MDGA2: variants seen among roughly 807,000 people sequenced by gnomAD.
MDGA2 encodes MAM domain-containing glycosylphosphatidylinositol anchor protein 2.
MDGA2 carries 40 observed loss-of-function variants against 117.8 expected under a neutral mutation model. The observed-to-expected ratio is 0.34, with a 90% CI of 0.26 to 0.44. The LOEUF is 0.44. Among genes scored for constraint, MDGA2 ranks in the 20% least tolerant of loss-of-function variants. MDGA2 has a pLI of 1.00. For missense variants in MDGA2, 1,123 were observed against 1,250.6 expected (o/e 0.90, Z 1.54); for synonymous variants, 452 against 439.0 (o/e 1.03, Z -0.37).
chr14:46,934,196 T>C (rs1030251986), intron 9 of MDGA2, among the ~76,000 whole-genome samples: 2 of 151,998 alleles, frequency 1.3e-5, no homozygotes, highest in African/African-American at 4.8e-5. Context: ...TTGTCTATTA[T>C]AGAGATTTCC....
At chr14:47,440,431 T>A (rs1892984004) in intron 1 of MDGA2, among the ~76,000 whole-genome samples, 1 of 152,130 alleles carries the variant, frequency 6.6e-6, no homozygotes, top group African/African-American at 2.4e-5. Context: ...TTCTAGTACA[T>A]CACTGTCTCA....
chr14:47,033,591 G>C (rs1484087062), intron 8 of MDGA2, among the ~76,000 whole-genome samples: 2 of 152,198 alleles, frequency 1.3e-5, no homozygotes, highest in East Asian at 3.9e-4. Context: ...CCCATGAACA[G>C]ACTGTCATGA....
intron 3 of MDGA2, among the ~76,000 whole-genome samples, chr14:47,212,474 A>T (rs1885920284): frequency 6.6e-6 from 1 of 152,188 alleles, no homozygotes; most frequent in African/African-American, 2.4e-5. Context: ...AAATAATGAT[A>T]CATCAAACAA....
chr14:47,156,479 C>A (rs988803483), intron 3 of MDGA2, among the ~76,000 whole-genome samples: 1 of 152,162 alleles, frequency 6.6e-6, no homozygotes, highest in African/African-American at 2.4e-5. Flanking sequence ...AGCTAACTCA[C>A]CTCCCAACAT....
At chr14:47,016,802 ACT>A (rs1189348208) in intron 8 of MDGA2, among the ~76,000 whole-genome samples, 1 of 151,948 alleles carries the variant, frequency 6.6e-6, no homozygotes, top group Non-Finnish European at 1.5e-5. Flanking sequence ...AATAGTCTAA[ACT>A]CTGTTTTCTT....
intron 1 of MDGA2, among the ~76,000 whole-genome samples, chr14:47,649,558 G>A (rs1232138956): frequency 6.6e-6 from 1 of 152,076 alleles, no homozygotes; most frequent in African/African-American, 2.4e-5. Context: ...GGAGACACGT[G>A]CCTGTAATTC....
At chr14:47,259,616 T>A (rs1566707421) in intron 2 of MDGA2, among the ~76,000 whole-genome samples, 1 of 152,054 alleles carries the variant, frequency 6.6e-6, no homozygotes, top group Non-Finnish European at 1.5e-5. Context: ...CAACCCACAG[T>A]ACTAGTATTC....
intron 10 of MDGA2, among the ~76,000 whole-genome samples, chr14:46,917,268 T>G (rs888482959): frequency 1.3e-5 from 2 of 152,194 alleles, no homozygotes; most frequent in East Asian, 1.9e-4. Context: ...ATAAAAATAC[T>G]ACACATGCTC....
At chr14:47,311,768 C>T (rs969926652) in intron 1 of MDGA2, among the ~76,000 whole-genome samples, 2 of 151,928 alleles carry the variant, frequency 1.3e-5, no homozygotes, top group African/African-American at 4.8e-5. Flanking sequence ...AATTAATATC[C>T]CCAGTGAAGG....
chr14:47,210,291 G>A (rs1885835130), intron 3 of MDGA2, among the ~76,000 whole-genome samples: 1 of 152,114 alleles, frequency 6.6e-6, no homozygotes, highest in African/African-American at 2.4e-5. Flanking sequence ...ATGTTTAATG[G>A]ATATTGGAAA....
At chr14:47,362,047 C>T (rs1053934479) in intron 1 of MDGA2, among the ~76,000 whole-genome samples, 1 of 152,134 alleles carries the variant, frequency 6.6e-6, no homozygotes, top group African/African-American at 2.4e-5. Context: ...AGACAGCATA[C>T]ATCTATTTGC....
chr14:47,558,956 G>C (rs1330038217), intron 1 of MDGA2, among the ~76,000 whole-genome samples: 3 of 151,812 alleles, frequency 2.0e-5, no homozygotes, highest in Non-Finnish European at 4.4e-5. Flanking sequence ...ATATACATAC[G>C]ATACACATAT....
intron 2 of MDGA2, among the ~76,000 whole-genome samples, chr14:47,220,177 G>C (rs975488365): frequency 2.0e-5 from 3 of 152,046 alleles, no homozygotes; most frequent in Admixed American, 2.0e-4. Context: ...GTGGTAGAAA[G>C]ACATAAATTT....
chr14:47,606,799 T>A (rs1315528582), intron 1 of MDGA2, among the ~76,000 whole-genome samples: 3 of 152,178 alleles, frequency 2.0e-5, no homozygotes, highest in Non-Finnish European at 4.4e-5. Flanking sequence ...AAAACTGAAA[T>A]GCCTCGCTCC....
intron 9 of MDGA2, among the ~76,000 whole-genome samples, chr14:46,943,794 T>C (rs1885077606): frequency 6.6e-6 from 1 of 152,128 alleles, no homozygotes; most frequent in Admixed American, 6.6e-5. Context: ...CAGACTTATT[T>C]GTAAAGGGTG....
intron 1 of MDGA2, among the ~76,000 whole-genome samples, chr14:47,452,663 A>G (rs1893265505): frequency 6.6e-6 from 1 of 152,072 alleles, no homozygotes; most frequent in African/African-American, 2.4e-5. Context: ...TCCTTTAAAA[A>G]CAGAACTGTT....
intron 3 of MDGA2, among the ~76,000 whole-genome samples, chr14:47,166,717 T>C (rs1181342940): frequency 1.3e-5 from 2 of 151,908 alleles, no homozygotes; most frequent in African/African-American, 4.8e-5. Context: ...ATTATCGAAA[T>C]GAAAAACAAA....
intron 8 of MDGA2, among the ~76,000 whole-genome samples, chr14:46,990,398 C>T (rs1006064688): frequency 6.6e-6 from 1 of 151,928 alleles, no homozygotes; most frequent in Non-Finnish European, 1.5e-5. Context: ...CTAAAATCTT[C>T]ATAGTAAAAT....
chr14:46,977,309 T>C (rs921522395), intron 8 of MDGA2, among the ~76,000 whole-genome samples: 4 of 151,734 alleles, frequency 2.6e-5, no homozygotes, highest in Non-Finnish European at 5.9e-5. Context: ...ATGATATGAA[T>C]GGGAGGGGTT....
Sources: allele counts gnomAD v4.1 joint callset (sites outside exome capture counted in the v4.1 genomes callset), GRCh38; gene constraint gnomAD v4.1.1; transcripts MANE v1.5; gene names NCBI Gene and HGNC (gene_info 2026-07-23, HGNC 2026-07-21).